The following FOXK2 variants were observed in gnomAD, a reference collection of about 807,000 sequenced individuals.
The protein encoded by FOXK2 is forkhead box protein K2.
Under a neutral mutation model 53.3 loss-of-function variants are expected in FOXK2, and 24 were observed. The ratio of observed to expected loss-of-function variants is 0.45; its 90% CI spans 0.33 to 0.63. The LOEUF is 0.63. Among genes scored for constraint, FOXK2 ranks in the 30% least tolerant of loss-of-function variants. The probability of loss-of-function intolerance (pLI) is 0.03; values close to 1 mark genes in which losing one functional copy is unlikely to be tolerated. For synonymous variants in FOXK2, 505 were observed against 407.1 expected, an observed-to-expected ratio of 1.24 and a Z score of -2.89; for missense variants, 952 against 910.5, an observed-to-expected ratio of 1.05 and a Z score of -0.59.
intron 6 of FOXK2, 62 bp downstream of exon 6, chr17:82,584,250 C>T: frequency 6.8e-6 from 10 of 1,467,668 alleles, no homozygotes; most frequent in Non-Finnish European, 9.0e-6. Flanking sequence ...GACGCCTGGG[C>T]TCCACAGAGA....
chr17:82,564,103 T>TTGG (rs2044828111), intron 2 of FOXK2, among the ~76,000 whole-genome samples: 2 of 133,294 alleles, frequency 1.5e-5, no homozygotes, highest in African/African-American at 2.8e-5. Context: ...TTTTTTTTTT[T>TTGG]GGGAGATGGA....
chr17:82,543,629 T>G (rs2044594349), intron 1 of FOXK2, among the ~76,000 whole-genome samples: 1 of 152,048 alleles, frequency 6.6e-6, no homozygotes, highest in African/African-American at 2.4e-5. Context: ...AGAGTCTTTC[T>G]TTTATTTTTA....
At position 82,538,656 on chromosome 17, in the gene FOXK2, C is replaced by T. The variant is rs946900950; in HGVS notation, c.419+18349C>T. ...ATGTATGGTGTAGAAGAGCAAAATG[C>T]TCTGCACCGTGTTTTATAGGGAATG... On this transcript the variant is annotated intron_variant, in intron 1 of 8. Transcript: ENST00000335255. Among the ~76,000 whole-genome samples, 4 of 152,142 alleles carry T rather than the reference C, an allele frequency of 2.6e-5. No homozygotes were observed. In the South Asian group the frequency reaches 8.3e-4, roughly 32 times the overall value.
At position 82,586,202 on chromosome 17, in the gene FOXK2, T is replaced by TGGGCGGGGGGGG. The variant is rs2045143095; in HGVS notation, c.1576+2_1576+3insGGGCGGGGGGGG. The TGGGCGGGGGGGG allele has an allele frequency of 1.3e-6, 2 of 1,548,576 alleles. No homozygotes were observed. The highest frequency in any genetic ancestry group is 3.1e-5 in the African/African-American group (2 of 63,714). On this transcript the variant is annotated splice_region_variant and intron_variant, in intron 7 of 8. Transcript: ENST00000335255. ...ATGGAGACCACAGGGAAGTCAAAGGTAGGCGGAGGGGAAAGGAGGAGAGGG... is the reference window on the plus strand; with the variant it reads ...ATGGAGACCACAGGGAAGTCAAAGGTGGGCGGGGGGGGAGGCGGAGGGGAAAGGAGGAGAGGG...
chr17:82,584,350 A>C (rs1332926812), intron 6 of FOXK2, among the ~76,000 whole-genome samples, 162 bp downstream of exon 6: 1 of 151,936 alleles, frequency 6.6e-6, no homozygotes. Context: ...TAGCACTGGG[A>C]GTGTTTTTTA....
intron 1 of FOXK2, among the ~76,000 whole-genome samples, chr17:82,548,003 G>A (rs903469177): frequency 2.0e-5 from 3 of 152,192 alleles, no homozygotes; most frequent in East Asian, 1.9e-4. Flanking sequence ...TTCTATGGAT[G>A]TACCCCCATT....
intron 1 of FOXK2, among the ~76,000 whole-genome samples, chr17:82,527,696 A>G (rs1188934776): frequency 5.9e-5 from 9 of 152,222 alleles, no homozygotes. Context: ...CACAGAACAC[A>G]TTGCAGCTAT....
intron 1 of FOXK2, among the ~76,000 whole-genome samples, chr17:82,524,189 C>T (rs922393142): frequency 6.6e-6 from 1 of 152,196 alleles, no homozygotes; most frequent in South Asian, 2.1e-4. Flanking sequence ...TGCGCCTGTC[C>T]TAAGGCTGAA....
Position 82,554,045 on chromosome 17 carries a change from G to A in FOXK2, c.420-9309G>A, listed in dbSNP as rs1457149160. Reference sequence around the variant, plus strand: ...GATGGGGTTTCACCATGTTAGCCAGGATGGTCTCGAACTCCTGAGCTTGTG... The same window carrying A: ...GATGGGGTTTCACCATGTTAGCCAGAATGGTCTCGAACTCCTGAGCTTGTG... On this transcript the variant is annotated intron_variant, in intron 1 of 8. Coordinates refer to ENST00000335255, the MANE Select transcript of FOXK2 (RefSeq NM_004514.4). Among the ~76,000 whole-genome samples the A allele has an allele frequency of 4.6e-5, 7 of 152,128 alleles. No homozygotes were observed. The South Asian group carries it at 1.0e-3, about 22-fold the overall frequency.
chr17:82,527,014 T>C (rs540748875), intron 1 of FOXK2, among the ~76,000 whole-genome samples: 3 of 152,226 alleles, frequency 2.0e-5, no homozygotes, highest in Middle Eastern at 3.4e-3. Context: ...GTTTCCGTAT[T>C]GAAGGGCTGC....
intron 4 of FOXK2, chr17:82,576,694 G>C (rs2044990571): frequency 6.5e-6 from 7 of 1,078,006 alleles, no homozygotes; most frequent in Non-Finnish European, 9.5e-6. Context: ...CTTAAGTCTA[G>C]TCCTCGGCCT....
intron 1 of FOXK2, among the ~76,000 whole-genome samples, chr17:82,554,974 C>T (rs375848248): frequency 4.6e-5 from 7 of 152,132 alleles, no homozygotes; most frequent in African/African-American, 1.7e-4. Context: ...GGTTCGAACT[C>T]CTGACCTCAG....
chr17:82,531,029 T>C (rs1229146669), intron 1 of FOXK2, among the ~76,000 whole-genome samples: 1 of 152,184 alleles, frequency 6.6e-6, no homozygotes, highest in Non-Finnish European at 1.5e-5. Flanking sequence ...GGGTCCTCCT[T>C]GAGGACCTGT....
At chr17:82,596,425 G>T (rs1156702946) in intron 8 of FOXK2, among the ~76,000 whole-genome samples, 1 of 19,830 alleles carries the variant, frequency 5.0e-5, no homozygotes, top group African/African-American at 8.7e-5. Flanking sequence ...GAGCCTCAGA[G>T]CTTGGTGTAG....
chr17:82,559,618 G>A, intron 1 of FOXK2: 1 of 403,504 alleles, frequency 2.5e-6, no homozygotes, highest in Non-Finnish European at 5.0e-6. Flanking sequence ...TGCCAGGCTG[G>A]TCTTCCTTGT....
chr17:82,577,136 T>C, intron 4 of FOXK2: 2 of 662,732 alleles, frequency 3.0e-6, no homozygotes, highest in South Asian at 3.3e-5. Context: ...CACTCCAGCC[T>C]GGGCAACAAG....
chr17:82,549,323 G>A (rs1293325267), intron 1 of FOXK2, among the ~76,000 whole-genome samples: 2 of 152,132 alleles, frequency 1.3e-5, no homozygotes, highest in African/African-American at 4.8e-5. Context: ...TGCAGCAAAT[G>A]GGAGAGGGGC....
At chr17:82,578,644 A>G (rs1418281625) in intron 4 of FOXK2, 3 of 152,178 alleles carry the variant, frequency 2.0e-5, no homozygotes, top group East Asian at 3.8e-4. Context: ...TTGGCTGGCA[A>G]ATCACAAGTA....
chr17:82,554,451 G>T (rs1165641854), intron 1 of FOXK2, among the ~76,000 whole-genome samples: 1 of 152,186 alleles, frequency 6.6e-6, no homozygotes, highest in Non-Finnish European at 1.5e-5. Flanking sequence ...ACTAGAACAG[G>T]AGAATGAGAG....
Sources: allele counts gnomAD v4.1 joint callset (sites outside exome capture counted in the v4.1 genomes callset), GRCh38; gene constraint gnomAD v4.1.1; transcripts MANE v1.5; gene names NCBI Gene and HGNC (gene_info 2026-07-23, HGNC 2026-07-21).